The following REXO1 variants were observed in gnomAD, a reference collection of about 807,000 sequenced individuals.
REXO1 encodes the protein REX1, RNA exonuclease 1 homolog.
Under a neutral mutation model 102.6 loss-of-function variants are expected in REXO1, and 42 were observed. That is an observed-to-expected ratio of 0.41 (90% CI 0.32 to 0.53). The LOEUF is 0.53. Among genes scored for constraint, REXO1 ranks in the 20% least tolerant of loss-of-function variants. The probability of loss-of-function intolerance (pLI) is 0.27; values close to 1 mark genes in which losing one functional copy is unlikely to be tolerated. For synonymous variants in REXO1, 908 were observed against 779.1 expected, an observed-to-expected ratio of 1.17 and a Z score of -2.76; for missense variants, 1,819 against 1,732.5, an observed-to-expected ratio of 1.05 and a Z score of -0.89.
rs2069445693 is a variant in REXO1 at position 1,818,763 on chromosome 19, G to A, written c.2845C>T (p.Pro949Ser). The A allele has an allele frequency of 6.2e-7, 1 of 1,610,428 alleles. No homozygotes were observed. The highest frequency in any genetic ancestry group is 2.2e-5 in the East Asian group (1 of 44,896). The change falls in exon 9 of 16, where the codon CCA becomes TCA. Residue 949 changes from proline (P) to serine (S), a missense_variant. Transcript: ENST00000170168. ...ATGATTGCGCCCCCGGGCCGCTCTG[G>A]GTGCGGGAAGGGGTAGCCGTTCTCC... The part of the protein sequence containing the change: ...LKENGYPFPH[P>S]ERPGGAIIFT...
chr19:1,822,278 C>T (rs2069568961), intron 4 of REXO1: 1 of 178,962 alleles, frequency 5.6e-6, no homozygotes, highest in Non-Finnish European at 1.2e-5. Context: ...AGAGCAACAT[C>T]CCTCGAAATG....
chr19:1,816,486 C>A lies in REXO1; in HGVS notation c.3401G>T (p.Ser1134Ile). 6.2e-7 allele frequency: 1 copy of A among 1,612,598 alleles called. No individual in the cohort carries two copies. Among genetic ancestry groups the A allele is most frequent in the Non-Finnish European group, 8.5e-7 (1 of 1,179,780 alleles). ...DVQAVLLSMF[S>I]ADTILIGHSL... Reference sequence around the variant, plus strand: ...GTGTCCGATGAGGATGGTGTCAGCGCTGAACATGCTCAGCAGAACGGCCTG... The same window carrying A: ...GTGTCCGATGAGGATGGTGTCAGCGATGAACATGCTCAGCAGAACGGCCTG... The change falls in exon 14 of 16, where the codon AGC becomes ATC. Residue 1134 changes from serine (S) to isoleucine (I), a missense_variant. Transcript: ENST00000170168.
intron 1 of REXO1, among the ~76,000 whole-genome samples, chr19:1,847,268 T>C (rs1045233068): frequency 2.0e-5 from 3 of 152,206 alleles, no homozygotes; most frequent in African/African-American, 7.2e-5. Flanking sequence ...AAAATAAACC[T>C]ATTCTTAAAT....
chr19:1,820,049 G>T lies in REXO1; in HGVS notation c.2535C>A (p.Asn845Lys), dbSNP rs141481685. 19 of 1,603,202 alleles carry T rather than the reference G, an allele frequency of 1.2e-5. No individual in the cohort carries two copies. Among genetic ancestry groups the T allele is most frequent in the Non-Finnish European group, 1.1e-5 (13 of 1,177,112 alleles). Reference sequence around the variant, plus strand: ...TGCGGTCATAGGCCACCTTCTCCTCGTTCAGTGCCTGGGGGACAGGCGGTG... The same window carrying T: ...TGCGGTCATAGGCCACCTTCTCCTCTTTCAGTGCCTGGGGGACAGGCGGTG... ...SNQEAIEKAL[N>K]EEKVAYDRSP... Residue 845 changes from asparagine to lysine, a missense_variant, in exon 7 of 16, where the codon AAC becomes AAA. By Grantham distance (94) the Asn-to-Lys change is moderately conservative (BLOSUM62 0). Transcript: ENST00000170168.
intron 1 of REXO1, among the ~76,000 whole-genome samples, chr19:1,840,398 C>T (rs2011226618): frequency 6.6e-6 from 1 of 152,142 alleles, no homozygotes; most frequent in African/African-American, 2.4e-5. Flanking sequence ...TCGCAGACTG[C>T]CCAACCGCAG....
rs547304814 is a variant in REXO1 at position 1,823,756 on chromosome 19, C to T, written c.2046G>A (p.Val682=). The T allele has an allele frequency of 1.9e-5, 24 of 1,257,370 alleles. No homozygotes were observed. The East Asian group carries it at 6.1e-4, about 32-fold the overall frequency. The allele number at this position is 1,257,370 out of a possible 1,614,324, so 77.9% of individuals were successfully genotyped here. A position where few individuals can be genotyped will look rare whatever the true frequency, so the allele number is the denominator to read the frequency against. The change falls in exon 4 of 16, where the codon GTG becomes GTA. Residue 682 remains valine (V), a synonymous_variant. Transcript: ENST00000170168. ...EVEPPRRGPA[V]PPARPPTAQE... Reference sequence around the variant, plus strand: ...GCGCCGTCGGGGGCCGGGCCGGGGGCACCGCGGGACCCCTCCTCGGGGGCT... The same window carrying T: ...GCGCCGTCGGGGGCCGGGCCGGGGGTACCGCGGGACCCCTCCTCGGGGGCT...
At position 1,827,605 on chromosome 19, in the gene REXO1, C is replaced by T; in HGVS notation, c.1184G>A (p.Gly395Glu). 1 of 1,584,326 alleles carries T rather than the reference C, an allele frequency of 6.3e-7. No individual in the cohort carries two copies. The part of the protein sequence containing the change: ...PAPSCKDGAQ[G>E]KDKTKDKGRG... ...GCCCTTGTCCTTGGTCTTGTCCTTC[C>T]CCTGGGCCCCGTCTTTGCAGCTGGG... The change falls in exon 2 of 16, where the codon GGG (glycine) becomes GAG (glutamate). Residue 395 changes from glycine to glutamate, a missense_variant. Physicochemically the swap from Gly to Glu is moderately conservative, Grantham distance 98. Coordinates refer to ENST00000170168, the MANE Select transcript of REXO1 (RefSeq NM_020695.4).
rs748092013 is a variant in REXO1, at chr19:1,816,720, C to T, written c.3295G>A (p.Glu1099Lys). The T allele has an allele frequency of 9.3e-6, 15 of 1,612,656 alleles. No individual in the cohort carries two copies. Among genetic ancestry groups the T allele is most frequent in the Non-Finnish European group, 1.2e-5 (14 of 1,179,888 alleles). The change falls in exon 13 of 16, where the codon GAG becomes AAG. Residue 1099 changes from glutamate (E) to lysine (K), a missense_variant. Transcript: ENST00000170168. ...CACCTGGTGTTGTAGTCCACGATCT[C>T]GTTGTCAGGCTTCACGAAGGTGTCA... ...VYDTFVKPDN[E>K]IVDYNTRFSG...
chr19:1,827,114 C>T lies in REXO1; in HGVS notation c.1675G>A (p.Gly559Ser), dbSNP rs1160472632. The change falls in exon 2 of 16, where the codon GGC (glycine) becomes AGC (serine). Residue 559 changes from glycine to serine, a missense_variant. By Grantham distance (56) the Gly-to-Ser change is moderately conservative. Transcript: ENST00000170168. ...DSDSDSDSSL[G>S]FPEAQGPPKR... is the part of the protein sequence containing the mutation. ...GGCGGCCCCTGCGCCTCCGGGAAGCCCAGGCTGGAGTCTGAGTCGGAGTCT... is the reference window on the plus strand; with the variant it reads ...GGCGGCCCCTGCGCCTCCGGGAAGCTCAGGCTGGAGTCTGAGTCGGAGTCT... 6.5e-7 allele frequency: 1 copy of T among 1,542,112 alleles called. No homozygotes were observed. The highest frequency in any genetic ancestry group is 1.4e-5 in the African/African-American group (1 of 72,978).
At position 1,819,802 on chromosome 19, in the gene REXO1, A is replaced by C; in HGVS notation, c.2650+132T>G. On this transcript the variant is annotated intron_variant, in intron 7 of 15. Coordinates refer to ENST00000170168, the MANE Select transcript of REXO1 (RefSeq NM_020695.4). ...GAACCAGGCAGCAGGCAGCCCCCCC[A>C]CAGCACCGCGCTTTCCTTTTGTCTG... 5.0e-6 allele frequency: 5 copies of C among 1,005,872 alleles called. No individual in the cohort carries two copies. The South Asian group carries it at 6.5e-5, about 13-fold the overall frequency. The allele number at this position is 1,005,872 out of a possible 1,614,324, so 62.3% of individuals were successfully genotyped here.
chr19:1,844,440 C>G (rs142977323), intron 1 of REXO1, among the ~76,000 whole-genome samples: 9 of 152,346 alleles, frequency 5.9e-5, no homozygotes, highest in Middle Eastern at 3.4e-3. Context: ...TGACCCGACT[C>G]TGCTAGAAGG....
intron 1 of REXO1, among the ~76,000 whole-genome samples, chr19:1,831,760 G>A (rs1339966603): frequency 3.4e-5 from 5 of 145,642 alleles, no homozygotes; most frequent in Non-Finnish European, 4.4e-5. Flanking sequence ...CAAGAGAATC[G>A]CTTGAACCTG....
intron 5 of REXO1, among the ~76,000 whole-genome samples, chr19:1,820,623 A>T (rs1568684932): frequency 6.6e-6 from 1 of 152,266 alleles, no homozygotes; most frequent in Admixed American, 6.5e-5. Context: ...TGGGGGCACA[A>T]GGGAACTTGC....
Position 1,818,847 on chromosome 19 carries a change from T to C in REXO1, c.2765-4A>G. ...AGGCGGCTGTACAGGGCAGCCCCTGTGGACAGGCACAGTGGTCAGCCCCTG... is the reference window on the plus strand; with the variant it reads ...AGGCGGCTGTACAGGGCAGCCCCTGCGGACAGGCACAGTGGTCAGCCCCTG... On this transcript the variant is annotated splice_region_variant and splice_polypyrimidine_tract_variant and intron_variant, in intron 8 of 15. Coordinates refer to ENST00000170168, the MANE Select transcript of REXO1 (RefSeq NM_020695.4). The C allele has an allele frequency of 1.9e-6, 3 of 1,609,220 alleles. No homozygotes were observed. The highest frequency in any genetic ancestry group is 2.5e-6 in the Non-Finnish European group (3 of 1,179,526).
At chr19:1,818,678 C>G in intron 9 of REXO1, 28 bp downstream of exon 9, 1 of 1,610,012 alleles carries the variant, frequency 6.2e-7, no homozygotes, top group Non-Finnish European at 8.5e-7. Flanking sequence ...CACCTGCCCA[C>G]CTAGGCCGTC....
chr19:1,845,702 A>G (rs1246895313), intron 1 of REXO1, among the ~76,000 whole-genome samples: 4 of 152,192 alleles, frequency 2.6e-5, no homozygotes, highest in Non-Finnish European at 5.9e-5. Context: ...GAGCAGGTCC[A>G]GGGATAAGAG....
At chr19:1,821,373 G>A (rs2069533863) in intron 5 of REXO1, 146 bp downstream of exon 5, 3 of 904,696 alleles carry the variant, frequency 3.3e-6, no homozygotes, top group Admixed American at 5.0e-5. Context: ...CCAAGGCATG[G>A]GGAGGGAAGG....
In REXO1 at chr19:1,839,252, C is replaced by A. The variant is rs536690178; in HGVS notation, c.157+8950G>T. Among the ~76,000 whole-genome samples, 5 of 136,240 alleles carry A rather than the reference C, an allele frequency of 3.7e-5. No homozygotes were observed. In the South Asian group the frequency reaches 1.1e-3, roughly 31 times the overall value. 89.4% of individuals were successfully genotyped at this position (136,240 alleles called of 152,430 possible). A position where few individuals can be genotyped will look rare whatever the true frequency, so the allele number is the denominator to read the frequency against. On this transcript the variant is annotated intron_variant, in intron 1 of 15. Coordinates refer to ENST00000170168, the MANE Select transcript of REXO1 (RefSeq NM_020695.4). ...CCAGGGCGACAGAGCGAGACTCTAT[C>A]TCCAAAAAAAAAAAAAAAGAGTCCA... is the stretch of plus-strand genomic sequence containing the variant.
chr19:1,828,307 G>A lies in REXO1; in HGVS notation c.482C>T (p.Pro161Leu), dbSNP rs752889527. ...TGGGGTGGGCTGGTAGCCGGCATCA[G>A]GGCTTAATAGGCCGTGGCTGCCGGG... is the stretch of plus-strand genomic sequence containing the variant. ...YSPGSHGLLSPDAGYQPTPLA... is the reference protein window; with the variant it reads ...YSPGSHGLLSLDAGYQPTPLA... The change falls in exon 2 of 16, where the codon CCT becomes CTT. Residue 161 changes from proline (P) to leucine (L), a missense_variant. Coordinates refer to ENST00000170168, the MANE Select transcript of REXO1 (RefSeq NM_020695.4). 1.2e-6 allele frequency: 2 copies of A among 1,609,426 alleles called. No homozygotes were observed. The highest frequency in any genetic ancestry group is 1.7e-6 in the Non-Finnish European group (2 of 1,178,294).
Sources: gnomAD v4.1 joint callset for allele counts (sites outside exome capture counted in the v4.1 genomes callset) on GRCh38, gnomAD v4.1.1 for gene constraint, MANE v1.5 for transcripts, NCBI Gene and HGNC (gene_info 2026-07-23, HGNC 2026-07-21) for gene names.